Variants in HEMK2 observed in about 807,000 individuals in gnomAD.
HEMK2 encodes methyltransferase HEMK2.
chr21:28,841,405 AAT>A, the HEMK2 span, among the ~76,000 whole-genome samples: 26 of 35,152 alleles, frequency 7.4e-4, 3 homozygotes, highest in South Asian at 0.011. Context: ...TTATATATAT[AAT>A]ATATATATTA....
chr21:28,821,008 T>C, the HEMK2 span, among the ~76,000 whole-genome samples: 25 of 152,238 alleles, frequency 1.6e-4, no homozygotes, highest in Non-Finnish European at 2.8e-4. Flanking sequence ...TCTTCTTACT[T>C]TTCCATAAAC....
chr21:28,594,174 A>G, the HEMK2 span, among the ~76,000 whole-genome samples: 1 of 152,192 alleles, frequency 6.6e-6, no homozygotes, highest in Non-Finnish European at 1.5e-5. Flanking sequence ...TCAGTACTCA[A>G]AACTGTCAAG....
chr21:28,734,385 T>C, the HEMK2 span, among the ~76,000 whole-genome samples: 5 of 152,230 alleles, frequency 3.3e-5, no homozygotes, highest in Non-Finnish European at 7.3e-5. Flanking sequence ...TGCTTTCAAC[T>C]ATAATCAGAA....
At chr21:28,833,981 A>G in the HEMK2 span, among the ~76,000 whole-genome samples, 1 of 152,228 alleles carries the variant, frequency 6.6e-6, no homozygotes, top group Non-Finnish European at 1.5e-5. Context: ...ATGTTCCAAG[A>G]ACTAAGAGTA....
chr21:28,712,632 G>A, the HEMK2 span, among the ~76,000 whole-genome samples: 2 of 152,174 alleles, frequency 1.3e-5, no homozygotes, highest in African/African-American at 4.8e-5. Flanking sequence ...GGGCAATAGA[G>A]AAGCCATGAA....
At chr21:28,738,641 T>C in the HEMK2 span, among the ~76,000 whole-genome samples, 1 of 152,194 alleles carries the variant, frequency 6.6e-6, no homozygotes, top group African/African-American at 2.4e-5. Context: ...ACCCTGGGCC[T>C]TCTCCCTGGG....
At chr21:28,701,546 C>CCACA in the HEMK2 span, among the ~76,000 whole-genome samples, 12 of 119,942 alleles carry the variant, frequency 1.0e-4, no homozygotes, top group East Asian at 2.0e-3. Context: ...TTCACAATAG[C>CCACA]CACACACACA....
the HEMK2 span, among the ~76,000 whole-genome samples, chr21:28,585,967 A>C: frequency 6.6e-6 from 1 of 152,240 alleles, no homozygotes; most frequent in African/African-American, 2.4e-5. Context: ...CAGTAAGTAG[A>C]TATTCCCTAA....
the HEMK2 span, chr21:28,883,093 A>G: frequency 7.9e-6 from 12 of 1,525,362 alleles, no homozygotes; most frequent in Non-Finnish European, 1.1e-5. Flanking sequence ...ATAAATAAAT[A>G]TTAGTATAGT....
chr21:28,759,817 C>T, the HEMK2 span, among the ~76,000 whole-genome samples: 1 of 152,142 alleles, frequency 6.6e-6, no homozygotes, highest in Non-Finnish European at 1.5e-5. Flanking sequence ...CGCCTTCCAC[C>T]ATGATTGTGA....
chr21:28,826,062 C>T, the HEMK2 span, among the ~76,000 whole-genome samples: 1 of 152,184 alleles, frequency 6.6e-6, no homozygotes, highest in Non-Finnish European at 1.5e-5. Context: ...TGCTGAAATG[C>T]ATTTGCTTTA....
the HEMK2 span, among the ~76,000 whole-genome samples, chr21:28,772,551 G>A: frequency 1.3e-5 from 2 of 152,256 alleles, no homozygotes; most frequent in Admixed American, 1.3e-4. Context: ...TCACATTAAA[G>A]AAAAATATGG....
chr21:28,803,145 A>T, the HEMK2 span, among the ~76,000 whole-genome samples: 16 of 152,338 alleles, frequency 1.1e-4, no homozygotes, highest in African/African-American at 3.4e-4. Flanking sequence ...AAAGGGAAGC[A>T]ACTGGCTTCT....
chr21:28,808,331 C>T, the HEMK2 span, among the ~76,000 whole-genome samples: 1 of 150,522 alleles, frequency 6.6e-6, no homozygotes, highest in Admixed American at 6.6e-5. Flanking sequence ...CTTTCTTCTT[C>T]TTTTCCAATA....
At chr21:28,616,567 C>T in the HEMK2 span, among the ~76,000 whole-genome samples, 7 of 152,132 alleles carry the variant, frequency 4.6e-5, no homozygotes, top group South Asian at 2.1e-4. Context: ...ACTTCCCTGA[C>T]ACATGAAAAA....
the HEMK2 span, among the ~76,000 whole-genome samples, chr21:28,795,232 C>G: frequency 6.6e-6 from 1 of 152,038 alleles, no homozygotes; most frequent in Non-Finnish European, 1.5e-5. Context: ...ATTTATAAAT[C>G]CATGAAAAGT....
chr21:28,588,833 A>C, the HEMK2 span, among the ~76,000 whole-genome samples: 1 of 151,956 alleles, frequency 6.6e-6, no homozygotes, highest in Non-Finnish European at 1.5e-5. Context: ...AATACAAAAA[A>C]TTAGCCGGGC....
At chr21:28,748,243 A>G in the HEMK2 span, among the ~76,000 whole-genome samples, 1 of 152,234 alleles carries the variant, frequency 6.6e-6, no homozygotes, top group African/African-American at 2.4e-5. Context: ...AAACCTGCAC[A>G]TGTACCACCT....
the HEMK2 span, among the ~76,000 whole-genome samples, chr21:28,790,845 G>T: frequency 8.9e-6 from 1 of 112,646 alleles, no homozygotes; most frequent in East Asian, 3.2e-4. Context: ...GGTGGGGGGA[G>T]GGGGGAGGGA....
Sources: gnomAD v4.1 joint callset for allele counts (sites outside exome capture counted in the v4.1 genomes callset) on GRCh38, gnomAD v4.1.1 for gene constraint, MANE v1.5 for transcripts, NCBI Gene and HGNC (gene_info 2026-07-23, HGNC 2026-07-21) for gene names.